Variants in DAG1 observed in about 807,000 individuals in gnomAD.
DAG1 encodes the protein dystroglycan 1, also known as dystroglycan 1 (dystrophin-associated glycoprotein 1).
DAG1 carries 8 observed loss-of-function variants against 46.1 expected under a neutral mutation model. The observed-to-expected ratio is 0.17, with a 90% CI of 0.10 to 0.31. DAG1 has a LOEUF of 0.31. Among genes scored for constraint, DAG1 ranks in the 10% least tolerant of loss-of-function variants. The probability of loss-of-function intolerance (pLI) is 1.00; values close to 1 mark genes in which losing one functional copy is unlikely to be tolerated. For synonymous variants in DAG1, 495 were observed against 481.8 expected (o/e 1.03, Z -0.36); for missense variants, 1,003 against 1,189.9 (o/e 0.84, Z 2.31).
intron 1 of DAG1, among the ~76,000 whole-genome samples, chr3:49,489,500 C>T (rs2107282427): frequency 6.6e-6 from 1 of 152,306 alleles, no homozygotes; most frequent in South Asian, 2.1e-4. Context: ...CTGGGAAACA[C>T]TGGATGCAGC....
chr3:49,501,103 G>A (rs1201961532), intron 1 of DAG1, among the ~76,000 whole-genome samples: 4 of 152,168 alleles, frequency 2.6e-5, no homozygotes, highest in African/African-American at 7.2e-5. Flanking sequence ...AGTAGTTGGA[G>A]TTGTGCCCTG....
chr3:49,532,039 G>T lies in DAG1; in HGVS notation c.1528G>T (p.Val510Phe). ...KNHIDRVDAWVGTYFEVKIPS... is the reference protein window; with the variant it reads ...KNHIDRVDAWFGTYFEVKIPS... ...CCATATTGACAGGGTAGATGCCTGG[G>T]TTGGCACCTACTTTGAGGTGAAGAT... The change falls in exon 3 of 3, where the codon GTT (valine) becomes TTT (phenylalanine). Residue 510 changes from valine to phenylalanine, a missense_variant. Coordinates refer to ENST00000308775, the MANE Select transcript of DAG1 (RefSeq NM_004393.6). This position sits in a 1 kb window ranked among gnomAD's most constrained non-coding sequence, Gnocchi z 5.4. 3.1e-6 allele frequency: 5 copies of T among 1,614,218 alleles called. No individual in the cohort carries two copies. Among genetic ancestry groups the T allele is most frequent in the Non-Finnish European group, 4.2e-6 (5 of 1,180,048 alleles).
rs1381198634 is a variant in DAG1 at position 49,531,660 on chromosome 3, C to T, written c.1149C>T (p.Gly383=). 1 of 1,613,408 alleles carries T rather than the reference C, an allele frequency of 6.2e-7. No homozygotes were observed. The highest frequency in any genetic ancestry group is 8.5e-7 in the Non-Finnish European group (1 of 1,179,490). The part of the protein sequence containing the change: ...RGAIIQTPTL[G]PIQPTRVSEA... ...CCATTATTCAAACCCCAACCCTAGGCCCCATCCAGCCTACTCGGGTGTCAG... is the reference window on the plus strand; with the variant it reads ...CCATTATTCAAACCCCAACCCTAGGTCCCATCCAGCCTACTCGGGTGTCAG... The change falls in exon 3 of 3, where the codon GGC becomes GGT. Residue 383 remains glycine (G), a synonymous_variant. Coordinates refer to ENST00000308775, the MANE Select transcript of DAG1 (RefSeq NM_004393.6). The surrounding 1 kb of genome is among the most constrained non-coding windows in gnomAD (Gnocchi z 7.0).
At chr3:49,493,926 CTT>C (rs2050249595) in intron 1 of DAG1, among the ~76,000 whole-genome samples, 1 of 152,210 alleles carries the variant, frequency 6.6e-6, no homozygotes, top group Admixed American at 6.5e-5. Context: ...GGAAGAATGT[CTT>C]TTGGCTCTTC....
intron 1 of DAG1, among the ~76,000 whole-genome samples, chr3:49,486,313 G>A (rs2050024950): frequency 6.6e-6 from 1 of 151,840 alleles, no homozygotes; most frequent in Non-Finnish European, 1.5e-5. Context: ...CCGCCTCCCA[G>A]GTTCACGCCA....
intron 2 of DAG1, among the ~76,000 whole-genome samples, chr3:49,519,611 G>T (rs1025820149): frequency 1.3e-5 from 2 of 152,184 alleles, no homozygotes; most frequent in African/African-American, 4.8e-5. Flanking sequence ...TGGACCCCTT[G>T]TGAACAAAGC....
intron 2 of DAG1, among the ~76,000 whole-genome samples, chr3:49,511,474 G>A (rs1470521039): frequency 1.3e-5 from 2 of 152,184 alleles, no homozygotes; most frequent in Admixed American, 1.3e-4. Flanking sequence ...GATCTTAAAT[G>A]AGTTTGTTTC....
chr3:49,493,512 T>C (rs2050239836), intron 1 of DAG1, among the ~76,000 whole-genome samples: 1 of 152,218 alleles, frequency 6.6e-6, no homozygotes, highest in South Asian at 2.1e-4. Context: ...AAGGATTTCT[T>C]CAGTCTTGTT....
At chr3:49,475,130 G>A (rs2049643328) in intron 1 of DAG1, among the ~76,000 whole-genome samples, 1 of 147,100 alleles carries the variant, frequency 6.8e-6, no homozygotes. Context: ...TTAAGATGGA[G>A]TTTCGCTTTT....
chr3:49,475,135 G>A (rs1241803688), intron 1 of DAG1, among the ~76,000 whole-genome samples: 2 of 146,408 alleles, frequency 1.4e-5, no homozygotes, highest in Admixed American at 6.9e-5. Flanking sequence ...ATGGAGTTTC[G>A]CTTTTGTTAC....
At chr3:49,527,296 G>A (rs1248176607) in intron 2 of DAG1, among the ~76,000 whole-genome samples, 11 of 152,132 alleles carry the variant, frequency 7.2e-5, no homozygotes, top group Non-Finnish European at 1.0e-4. Context: ...AGGCCAAGGC[G>A]GGCGGATCAC....
chr3:49,486,897 GCTTTGTTTTT>G (rs2050049740), intron 1 of DAG1, among the ~76,000 whole-genome samples: 1 of 151,918 alleles, frequency 6.6e-6, no homozygotes, highest in South Asian at 2.1e-4. Flanking sequence ...GTTTTGTTTT[GCTTTGTTTTT>G]GAGATTCAGT....
chr3:49,508,196 T>C (rs2050659270), intron 1 of DAG1, among the ~76,000 whole-genome samples: 1 of 1,632 alleles, frequency 6.1e-4, no homozygotes. Flanking sequence ...TTATTTTGCT[T>C]TTTTTTTTTT....
At chr3:49,495,361 TTG>T (rs2050284147) in intron 1 of DAG1, among the ~76,000 whole-genome samples, 1 of 152,254 alleles carries the variant, frequency 6.6e-6, no homozygotes. Context: ...TTGAATATTT[TTG>T]TGTGAAACTT....
At chr3:49,493,797 A>G (rs1450952476) in intron 1 of DAG1, among the ~76,000 whole-genome samples, 1 of 152,214 alleles carries the variant, frequency 6.6e-6, no homozygotes, top group African/African-American at 2.4e-5. Context: ...ATGCACCTCT[A>G]TGCAAGCCTG....
chr3:49,523,812 A>G (rs1173892420), intron 2 of DAG1, among the ~76,000 whole-genome samples: 2 of 152,134 alleles, frequency 1.3e-5, no homozygotes, highest in African/African-American at 2.4e-5. Flanking sequence ...CTATAATCAT[A>G]TGAGGTTGGG....
At chr3:49,493,653 T>C (rs2050242949) in intron 1 of DAG1, among the ~76,000 whole-genome samples, 1 of 152,196 alleles carries the variant, frequency 6.6e-6, no homozygotes, top group Non-Finnish European at 1.5e-5. Flanking sequence ...ACTGGACATA[T>C]CTCCAGGTAT....
chr3:49,527,471 G>GGAGCTTGCAGTGAGCCC (rs56152087), intron 2 of DAG1, among the ~76,000 whole-genome samples: 1 of 150,544 alleles, frequency 6.6e-6, no homozygotes, highest in African/African-American at 2.5e-5. Context: ...GCAGTGAGCC[G>GGAGCTTGCAGTGAGCCC]AGATAGCGCC....
chr3:49,485,657 CTTTTTT>C (rs749730213), intron 1 of DAG1, among the ~76,000 whole-genome samples: 3 of 82,104 alleles, frequency 3.7e-5, no homozygotes, highest in Non-Finnish European at 4.7e-5. Context: ...TGTTTTCTTT[CTTTTTT>C]TTTTTTTTTT....
Sources: gnomAD v4.1 joint callset for allele counts (sites outside exome capture counted in the v4.1 genomes callset) on GRCh38, gnomAD v4.1.1 for gene constraint, Gnocchi (gnomAD v3.1) non-coding constraint, MANE v1.5 for transcripts, NCBI Gene and HGNC (gene_info 2026-07-23, HGNC 2026-07-21) for gene names.